Variants in PLA2G6 observed in about 807,000 individuals in gnomAD.
The protein encoded by PLA2G6 is 85/88 kDa calcium-independent phospholipase A2.
In PLA2G6, 62 loss-of-function variants were observed where a neutral mutation model predicts 83.8. That is an observed-to-expected ratio of 0.74 (90% CI 0.60 to 0.91). The LOEUF is 0.91. Among genes scored for constraint, PLA2G6 ranks in the 40% least tolerant of loss-of-function variants. The pLI is 0.00. For synonymous variants in PLA2G6, 417 were observed against 449.8 expected, an observed-to-expected ratio of 0.93 and a Z score of 0.92; for missense variants, 944 against 1,102.0, an observed-to-expected ratio of 0.86 and a Z score of 2.03.
chr22:38,144,962 G>T, intron 3 of PLA2G6: 1 of 356,414 alleles, frequency 2.8e-6, no homozygotes, highest in South Asian at 2.3e-5. Context: ...CCTGGCACCT[G>T]GTGAGCACTC....
At chr22:38,127,821 G>A (rs11570702) in intron 9 of PLA2G6, among the ~76,000 whole-genome samples, 3,745 of 152,242 alleles carry the variant, frequency 0.025, 134 homozygotes, top group African/African-American at 0.086. Context: ...AAGTCACCAC[G>A]GGGCCAGGAA....
chr22:38,171,823 GA>G (rs133004), intron 1 of PLA2G6, among the ~76,000 whole-genome samples: 1,744 of 122,328 alleles, frequency 0.014, 31 homozygotes, highest in African/African-American at 0.042. Flanking sequence ...CTCCGTCTCA[GA>G]AAAAAAAAAA....
intron 13 of PLA2G6, 121 bp downstream of exon 13, chr22:38,115,954 T>C: frequency 1.4e-6 from 2 of 1,473,482 alleles, no homozygotes; most frequent in Non-Finnish European, 1.9e-6. Context: ...TAAAGACCAG[T>C]GCAGCGGGTG....
At chr22:38,152,966 G>C (rs132951) in intron 2 of PLA2G6, among the ~76,000 whole-genome samples, 9,808 of 151,980 alleles carry the variant, frequency 0.065, 416 homozygotes, top group East Asian at 0.13. Flanking sequence ...TCCTCCTGCG[G>C]GGAAAAAAAA....
chr22:38,120,925 T>C lies in PLA2G6; in HGVS notation c.1592-16A>G, dbSNP rs1303016735. ...ATGGACTTACCTAGGAACAAAGGGG[T>C]CAGAGGCGGGGAGATGCAGCGGCCA... On this transcript the variant is annotated splice_polypyrimidine_tract_variant and intron_variant, in intron 11 of 16. Transcript: ENST00000332509. 6.2e-7 allele frequency: 1 copy of C among 1,612,476 alleles called. No individual in the cohort carries two copies. Among genetic ancestry groups the C allele is most frequent in the East Asian group, 2.2e-5 (1 of 44,868 alleles).
At position 38,132,975 on chromosome 22, in the gene PLA2G6, G is replaced by T; in HGVS notation, c.933C>A (p.Asn311Lys). The T allele has an allele frequency of 6.4e-7, 1 of 1,566,868 alleles. No individual in the cohort carries two copies. Residue 311 changes from asparagine to lysine, a missense_variant, in exon 7 of 17, where the codon AAC (asparagine) becomes AAA (lysine). Physicochemically the swap from Asn to Lys is moderately conservative, Grantham distance 94 (BLOSUM62 0). Transcript: ENST00000332509. This position sits in a 1 kb window ranked among gnomAD's most constrained non-coding sequence, Gnocchi z 5.0. ...CCGTGTTCCCCGCGGAGCTGGTGCT[G>T]TTCACGTTGCAGCCCCGTTTCAGCA... ...RMLLKRGCNV[N>K]STSSAGNTAL...
chr22:38,173,209 GC>G (rs1310012380), intron 1 of PLA2G6, among the ~76,000 whole-genome samples: 1 of 151,986 alleles, frequency 6.6e-6, no homozygotes. Context: ...GTGGATGAGG[GC>G]CCCCCGCATC....
At position 38,132,539 on chromosome 22, in the gene PLA2G6, G is replaced by C; in HGVS notation, c.1077+292C>G. The C allele has an allele frequency of 1.9e-6, 1 of 534,480 alleles. No individual in the cohort carries two copies. The highest frequency in any genetic ancestry group is 5.0e-4 in the Middle Eastern group (1 of 2,000). 33.1% of individuals were successfully genotyped at this position (534,480 alleles called of 1,614,324 possible). On this transcript the variant is annotated intron_variant, in intron 7 of 16. Coordinates refer to ENST00000332509, the MANE Select transcript of PLA2G6 (RefSeq NM_003560.4). This position sits in a 1 kb window ranked among gnomAD's most constrained non-coding sequence, Gnocchi z 5.0. ...AGGTGACATGGCTTGCTCAGGGCCA[G>C]TCTATGGCCAGAGCTGTCATTTTTC...
chr22:38,145,440 G>A lies in PLA2G6; in HGVS notation c.423C>T (p.Ile141=). 1 of 1,604,510 alleles carries A rather than the reference G, an allele frequency of 6.2e-7. No individual in the cohort carries two copies. ...AATGGTCTTGTTCCCTTGCTCACCT[G>A]ATGATACGGCTGTGATGGAAGCACT... ...IRECFHHSRI[I]SCANCAENEE... is the part of the protein sequence containing the mutation. The change falls in exon 3 of 17, where the codon ATC becomes ATT. Residue 141 remains isoleucine, a splice_region_variant and synonymous_variant. Transcript: ENST00000332509.
intron 5 of PLA2G6, chr22:38,139,350 G>C (rs1461315146): frequency 6.6e-6 from 1 of 152,060 alleles, no homozygotes; most frequent in Non-Finnish European, 1.5e-5. Flanking sequence ...GGCTAAGATT[G>C]GTTGTCTCCA....
At chr22:38,113,738 A>AG in intron 14 of PLA2G6, 84 bp from the exon 15 acceptor site, 1 of 1,288,072 alleles carries the variant, frequency 7.8e-7, no homozygotes, top group Non-Finnish European at 1.1e-6. Context: ...GAGGCCCAAG[A>AG]CTGGGCTCTG....
intron 13 of PLA2G6, 81 bp downstream of exon 13, chr22:38,115,994 G>T: frequency 6.5e-7 from 1 of 1,545,592 alleles, no homozygotes; most frequent in Non-Finnish European, 8.9e-7. Context: ...GTGCCTGATG[G>T]CAAGTGCACG....
intron 14 of PLA2G6, among the ~76,000 whole-genome samples, chr22:38,114,240 G>A (rs2087051637): frequency 6.6e-6 from 1 of 151,618 alleles, no homozygotes; most frequent in Admixed American, 6.6e-5. Flanking sequence ...GAGTGCAGTG[G>A]CGCGATCTCG....
intron 10 of PLA2G6, among the ~76,000 whole-genome samples, chr22:38,124,297 G>A (rs1486717275): frequency 6.6e-6 from 1 of 152,152 alleles, no homozygotes; most frequent in Non-Finnish European, 1.5e-5. Context: ...CCTACTCTCT[G>A]TGCATATTTT....
At chr22:38,170,653 C>T (rs180818889) in intron 1 of PLA2G6, among the ~76,000 whole-genome samples, 17 of 152,266 alleles carry the variant, frequency 1.1e-4, no homozygotes, top group African/African-American at 1.7e-4. Flanking sequence ...GCCAATCAGA[C>T]GGAGGCCGCC....
chr22:38,138,202 C>T (rs3788536), intron 5 of PLA2G6: 47,707 of 152,388 alleles, frequency 0.31, 7,911 homozygotes, highest in South Asian at 0.41. Context: ...TGCCAGCCCT[C>T]TGGGTAGAGA....
chr22:38,135,012 G>A lies in PLA2G6; in HGVS notation c.870C>T (p.Pro290=). 2.5e-6 allele frequency: 4 copies of A among 1,613,420 alleles called. No individual in the cohort carries two copies. Among genetic ancestry groups the A allele is most frequent in the South Asian group, 1.1e-5 (1 of 91,072 alleles). The change falls in exon 6 of 17, where the codon CCC becomes CCT. Residue 290 remains proline, a synonymous_variant. Coordinates refer to ENST00000332509, the MANE Select transcript of PLA2G6 (RefSeq NM_003560.4). ...HSKDPRYGAS[P]LHWAKNAEMA... The stretch of plus-strand genomic sequence containing the variant: ...CCTCTGCGTTCTTGGCCCAGTGGAG[G>A]GGGCTGGCTCCGTAACGGGGGTCTT...
Position 38,132,797 on chromosome 22 carries a change from C to T in PLA2G6, c.1077+34G>A. 2 of 1,527,696 alleles carry T rather than the reference C, an allele frequency of 1.3e-6. No individual in the cohort carries two copies. Among genetic ancestry groups the T allele is most frequent in the Non-Finnish European group, 1.8e-6 (2 of 1,137,806 alleles). The allele number at this position is 1,527,696 out of a possible 1,614,324, so 94.6% of individuals were successfully genotyped here. A position where few individuals can be genotyped will look rare whatever the true frequency, so the allele number is the denominator to read the frequency against. ...CAGCCCTCCTGCATTCCCACCGGGG[C>T]CCCACAGGGCAGGACACGCGGTCCT... On this transcript the variant is annotated intron_variant, in intron 7 of 16. Coordinates refer to ENST00000332509, the MANE Select transcript of PLA2G6 (RefSeq NM_003560.4). The surrounding 1 kb of genome is among the most constrained non-coding windows in gnomAD (Gnocchi z 5.0).
intron 14 of PLA2G6, among the ~76,000 whole-genome samples, chr22:38,114,898 C>G (rs925190372): frequency 6.6e-6 from 1 of 152,196 alleles, no homozygotes; most frequent in Non-Finnish European, 1.5e-5. Flanking sequence ...CCAGAGGCGC[C>G]CTGGCTCCAG....
Sources: gnomAD v4.1 joint callset for allele counts (sites outside exome capture counted in the v4.1 genomes callset) on GRCh38, gnomAD v4.1.1 for gene constraint, Gnocchi (gnomAD v3.1) non-coding constraint, MANE v1.5 for transcripts, NCBI Gene and HGNC (gene_info 2026-07-23, HGNC 2026-07-21) for gene names.